The following GRK3 variants were observed in gnomAD, a reference collection of about 807,000 sequenced individuals.
The protein encoded by GRK3 is adrenergic, beta, receptor kinase 2.
In GRK3, 54 loss-of-function variants were observed where a neutral mutation model predicts 95.7. The observed-to-expected ratio is 0.56, with a 90% CI of 0.45 to 0.71. The LOEUF (loss-of-function observed/expected upper bound fraction) is 0.71. Ranked by LOEUF, GRK3 falls within the 30% of genes least tolerant of loss-of-function variation. The pLI, the probability that GRK3 is intolerant of heterozygous loss-of-function variation, is 0.00. For missense variants in GRK3, 649 were observed against 851.2 expected (o/e 0.76, Z 2.96); for synonymous variants, 281 against 290.8 (o/e 0.97, Z 0.34).
At chr22:25,688,080 C>CAA in intron 11 of GRK3, among the ~76,000 whole-genome samples, 1 of 151,786 alleles carries the variant, frequency 6.6e-6, no homozygotes, top group East Asian at 1.9e-4. Flanking sequence ...ACTAAAAATA[C>CAA]AAAAAATTAG....
intron 15 of GRK3, among the ~76,000 whole-genome samples, chr22:25,707,442 C>G (rs1006506702): frequency 1.3e-5 from 2 of 152,178 alleles, no homozygotes; most frequent in East Asian, 1.9e-4. Context: ...GATGCTACCC[C>G]GTGAAGTGGC....
At chr22:25,575,050 A>G (rs2146313560) in intron 1 of GRK3, among the ~76,000 whole-genome samples, 1 of 152,352 alleles carries the variant, frequency 6.6e-6, no homozygotes, top group African/African-American at 2.4e-5. Context: ...TCATCCCTCC[A>G]ATAAATAAAA....
chr22:25,625,635 G>T (rs866720124), intron 2 of GRK3, among the ~76,000 whole-genome samples: 1 of 152,158 alleles, frequency 6.6e-6, no homozygotes, highest in Non-Finnish European at 1.5e-5. Flanking sequence ...AGTCAGGCTC[G>T]CCCACAGTTA....
chr22:25,710,181 C>T (rs2085333109), intron 16 of GRK3, among the ~76,000 whole-genome samples: 1 of 152,206 alleles, frequency 6.6e-6, no homozygotes, highest in Non-Finnish European at 1.5e-5. Flanking sequence ...GGCATCCTCT[C>T]ACTCTTCATT....
intron 18 of GRK3, among the ~76,000 whole-genome samples, chr22:25,717,292 C>T (rs1307326577): frequency 5.3e-5 from 8 of 152,074 alleles, no homozygotes; most frequent in Admixed American, 3.3e-4. Context: ...TGACTGTGCT[C>T]GTATTTTAAA....
At position 25,565,165 on chromosome 22, in the gene GRK3, C is replaced by T. The variant is rs373007827; in HGVS notation, c.113+12C>T. ...CTGCCGGAGCCCAGGTACCAGCTGCCCCGGCCGGCGCCGGCCCCAAGCCGC... is the reference window on the plus strand; with the variant it reads ...CTGCCGGAGCCCAGGTACCAGCTGCTCCGGCCGGCGCCGGCCCCAAGCCGC... On this transcript the variant is annotated intron_variant, in intron 1 of 20. Transcript: ENST00000324198. The T allele has an allele frequency of 5.3e-5, 77 of 1,460,708 alleles. No individual in the cohort carries two copies. The highest frequency in any genetic ancestry group is 5.7e-5 in the Non-Finnish European group (62 of 1,092,680). 90.5% of individuals were successfully genotyped at this position (1,460,708 alleles called of 1,614,324 possible).
intron 2 of GRK3, among the ~76,000 whole-genome samples, chr22:25,610,921 G>A (rs1436134465): frequency 6.6e-6 from 1 of 152,052 alleles, no homozygotes; most frequent in Non-Finnish European, 1.5e-5. Context: ...GAGTGCAGTA[G>A]CTCGATCTCT....
chr22:25,596,820 C>T (rs1333216608), intron 1 of GRK3, among the ~76,000 whole-genome samples: 1 of 152,218 alleles, frequency 6.6e-6, no homozygotes, highest in African/African-American at 2.4e-5. Context: ...TCATGATACT[C>T]TCTCATTATT....
At chr22:25,567,562 T>A (rs1931534594) in intron 1 of GRK3, among the ~76,000 whole-genome samples, 3 of 152,256 alleles carry the variant, frequency 2.0e-5, no homozygotes, top group African/African-American at 4.8e-5. Context: ...GTAAAAGGGA[T>A]ACGGGTCAAA....
intron 2 of GRK3, among the ~76,000 whole-genome samples, chr22:25,630,390 A>G (rs2084655908): frequency 6.6e-6 from 1 of 152,188 alleles, no homozygotes; most frequent in Admixed American, 6.5e-5. Context: ...ATTATTTTAA[A>G]TCTCTCTTAT....
At chr22:25,688,050 C>T (rs185944748) in intron 11 of GRK3, among the ~76,000 whole-genome samples, 2 of 152,100 alleles carry the variant, frequency 1.3e-5, no homozygotes, top group African/African-American at 2.4e-5. Context: ...TCCTGGCTAA[C>T]ACAGTGAAAC....
chr22:25,680,437 A>T (rs1329536731), intron 9 of GRK3, among the ~76,000 whole-genome samples: 1 of 152,246 alleles, frequency 6.6e-6, no homozygotes, highest in African/African-American at 2.4e-5. Context: ...TGGTTATTAA[A>T]ATATTAATTT....
At position 25,706,198 on chromosome 22, in the gene GRK3, T is replaced by A. The variant is rs9613010; in HGVS notation, c.1328+1989T>A. 7.2e-3 allele frequency among the ~76,000 whole-genome samples: 1,102 copies of A among 152,350 alleles called. 11 individuals carry two copies. The highest frequency in any genetic ancestry group is 0.012 in the Non-Finnish European group (843 of 68,028). ...TTCTTTCTAAAAATCTTTAGCAGGT[T>A]TAATTTCTTAAAAGTAGAACCTTTC... On this transcript the variant is annotated intron_variant, in intron 15 of 20. Coordinates refer to ENST00000324198, the MANE Select transcript of GRK3 (RefSeq NM_005160.4).
chr22:25,722,454 C>G lies in GRK3; in HGVS notation c.*4C>G, dbSNP rs1350836859. ...CAGAAACAGCAACGGCCTCTAGCAC[C>G]CAGAAACAGGGAGGGTCCTCGAGGA... On this transcript the variant is annotated 3_prime_UTR_variant, in exon 21 of 21. Transcript: ENST00000324198. The G allele has an allele frequency of 1.2e-6, 2 of 1,613,642 alleles. No individual in the cohort carries two copies. The highest frequency in any genetic ancestry group is 1.7e-6 in the Non-Finnish European group (2 of 1,179,772).
At chr22:25,616,436 G>A (rs1335796378) in intron 2 of GRK3, among the ~76,000 whole-genome samples, 1 of 151,980 alleles carries the variant, frequency 6.6e-6, no homozygotes, top group African/African-American at 2.4e-5. Context: ...GCCACACGCT[G>A]TTAAACCATC....
At chr22:25,703,759 G>A (rs536578420) in intron 14 of GRK3, among the ~76,000 whole-genome samples, 183 bp downstream of exon 14, 13 of 152,114 alleles carry the variant, frequency 8.5e-5, no homozygotes, top group African/African-American at 2.7e-4. Flanking sequence ...AATTTCTAGG[G>A]GAAACATTAA....
Position 25,663,701 on chromosome 22 carries a change from T to C in GRK3, c.438T>C (p.Phe146=), listed in dbSNP as rs1569184398. 6.2e-7 allele frequency: 1 copy of C among 1,602,892 alleles called. No individual in the cohort carries two copies. The highest frequency in any genetic ancestry group is 8.5e-7 in the Non-Finnish European group (1 of 1,170,832). The change falls in exon 5 of 21, where the codon TTT becomes TTC. Residue 146 remains phenylalanine (F), a synonymous_variant. Transcript: ENST00000324198. ...AGAAACAAGTGACATCAACTCTTTT[T>C]CAGGTAAGATAAAATTATTCCAAAA... The part of the protein sequence containing the change: ...LSKKQVTSTL[F]QPYIEEICES...
chr22:25,627,163 C>T (rs1748026601), intron 2 of GRK3, among the ~76,000 whole-genome samples: 1 of 152,156 alleles, frequency 6.6e-6, no homozygotes, highest in Admixed American at 6.5e-5. Context: ...AGAGTTTCTT[C>T]TCTAAAATCC....
At chr22:25,657,714 T>A (rs145067492) in intron 3 of GRK3, among the ~76,000 whole-genome samples, 2,403 of 152,088 alleles carry the variant, frequency 0.016, 30 homozygotes, top group Middle Eastern at 0.041. Flanking sequence ...ATATATATAT[T>A]TTTTACCAAA....
Sources: allele counts gnomAD v4.1 joint callset (sites outside exome capture counted in the v4.1 genomes callset), GRCh38; gene constraint gnomAD v4.1.1; transcripts MANE v1.5; gene names NCBI Gene and HGNC (gene_info 2026-07-23, HGNC 2026-07-21).